The following SLCO4C1 variants were observed in gnomAD, a reference collection of about 807,000 sequenced individuals.
SLCO4C1 encodes the protein organic anion transporter M1.
Under a neutral mutation model 72.1 loss-of-function variants are expected in SLCO4C1, and 58 were observed. The ratio of observed to expected loss-of-function variants is 0.80; its 90% CI spans 0.65 to 1.00. The LOEUF (loss-of-function observed/expected upper bound fraction) is 1.00, where lower values mean the gene tolerates loss of function less well. Among genes scored for constraint, SLCO4C1 ranks in the 50% least tolerant of loss-of-function variants. The pLI, the probability that SLCO4C1 is intolerant of heterozygous loss-of-function variation, is 0.00. For missense variants in SLCO4C1, 898 were observed against 857.9 expected, an observed-to-expected ratio of 1.05 and a Z score of -0.58; for synonymous variants, 297 against 312.5, an observed-to-expected ratio of 0.95 and a Z score of 0.52.
At chr5:102,272,641 C>CA (rs949347985) in intron 2 of SLCO4C1, among the ~76,000 whole-genome samples, 12 of 151,980 alleles carry the variant, frequency 7.9e-5, no homozygotes, top group Non-Finnish European at 1.6e-4. Flanking sequence ...GAGCTCAAAA[C>CA]GGGGATTTAA....
Position 102,234,984 on chromosome 5 carries a change from C to T in SLCO4C1, c.*1874G>A, listed in dbSNP as rs1252460725. ...GATTTTTGGCTACCTATTTGGCTTC[C>T]GTCTTTGGTGTTTATATCTGTCTGG... is the stretch of plus-strand genomic sequence containing the variant. On this transcript the variant is annotated 3_prime_UTR_variant, in exon 13 of 13. Coordinates refer to ENST00000310954, the MANE Select transcript of SLCO4C1 (RefSeq NM_180991.5). The T allele has an allele frequency of 6.6e-6, 1 of 152,158 alleles. No individual in the cohort carries two copies. Among genetic ancestry groups the T allele is most frequent in the East Asian group, 1.9e-4 (1 of 5,174 alleles). The allele number at this position is 152,158 out of a possible 1,614,324, so 9.4% of individuals were successfully genotyped here. A position where few individuals can be genotyped will look rare whatever the true frequency, so the allele number is the denominator to read the frequency against.
At chr5:102,277,088 C>T (rs182947881) in intron 2 of SLCO4C1, among the ~76,000 whole-genome samples, 1 of 152,118 alleles carries the variant, frequency 6.6e-6, no homozygotes, top group Admixed American at 6.6e-5. Context: ...ATGCCAAAGG[C>T]TGCATACAAA....
intron 9 of SLCO4C1, among the ~76,000 whole-genome samples, chr5:102,248,655 T>C (rs373976624): frequency 6.6e-6 from 1 of 152,088 alleles, no homozygotes; most frequent in Non-Finnish European, 1.5e-5. Flanking sequence ...TGGTCATATA[T>C]ACAGAAAAAA....
At chr5:102,250,416 T>C (rs1242101992) in intron 8 of SLCO4C1, among the ~76,000 whole-genome samples, 1 of 152,158 alleles carries the variant, frequency 6.6e-6, no homozygotes, top group East Asian at 1.9e-4. Flanking sequence ...ATGCATCCCT[T>C]ATACCTCATT....
intron 8 of SLCO4C1, among the ~76,000 whole-genome samples, chr5:102,255,796 C>T (rs1353619699): frequency 6.6e-6 from 1 of 151,586 alleles, no homozygotes; most frequent in African/African-American, 2.4e-5. Context: ...TTTTTTTAAT[C>T]TCCCATTACC....
intron 8 of SLCO4C1, among the ~76,000 whole-genome samples, chr5:102,254,460 T>C (rs1346491752): frequency 2.0e-5 from 3 of 152,200 alleles, no homozygotes; most frequent in Non-Finnish European, 4.4e-5. Flanking sequence ...ACTATAATAA[T>C]TGTTTCAGGA....
At chr5:102,240,605 G>A (rs1748520371) in intron 11 of SLCO4C1, 113 bp downstream of exon 11, 2 of 764,544 alleles carry the variant, frequency 2.6e-6, no homozygotes, top group Non-Finnish European at 4.4e-6. Flanking sequence ...CAACAAGAAT[G>A]ATGTAGCCTT....
chr5:102,266,605 G>A (rs562892092), intron 3 of SLCO4C1, among the ~76,000 whole-genome samples: 4 of 151,956 alleles, frequency 2.6e-5, no homozygotes, highest in South Asian at 2.1e-4. Flanking sequence ...AGCAGAGATC[G>A]CACCACTGCA....
intron 8 of SLCO4C1, 57 bp downstream of exon 8, chr5:102,257,058 G>A: frequency 7.8e-7 from 1 of 1,279,294 alleles, no homozygotes; most frequent in Non-Finnish European, 1.0e-6. Context: ...CATATGCTTG[G>A]AAATGCTTAG....
intron 2 of SLCO4C1, among the ~76,000 whole-genome samples, chr5:102,273,495 C>T (rs975442121): frequency 1.3e-5 from 2 of 152,076 alleles, no homozygotes; most frequent in Non-Finnish European, 2.9e-5. Context: ...CATAAGCTTA[C>T]ATTCAGACTT....
chr5:102,285,227 AC>A (rs1749428603), intron 2 of SLCO4C1, among the ~76,000 whole-genome samples: 5 of 151,690 alleles, frequency 3.3e-5, no homozygotes, highest in African/African-American at 1.2e-4. Context: ...ACACACACAC[AC>A]ACACACACAC....
intron 10 of SLCO4C1, among the ~76,000 whole-genome samples, chr5:102,244,007 T>C (rs1235471405): frequency 6.6e-6 from 1 of 152,022 alleles, no homozygotes; most frequent in Non-Finnish European, 1.5e-5. Context: ...GCCAACATAG[T>C]GAAACCCTGT....
At chr5:102,294,448 C>A (rs1387884088) in intron 1 of SLCO4C1, among the ~76,000 whole-genome samples, 3 of 152,048 alleles carry the variant, frequency 2.0e-5, no homozygotes, top group Non-Finnish European at 2.9e-5. Flanking sequence ...GTGACAATTA[C>A]ATTTGATAAC....
At chr5:102,278,816 T>C (rs1204483186) in intron 2 of SLCO4C1, among the ~76,000 whole-genome samples, 2 of 151,706 alleles carry the variant, frequency 1.3e-5, no homozygotes, top group Non-Finnish European at 2.9e-5. Flanking sequence ...AAACACAATA[T>C]ATAACAATAG....
chr5:102,289,951 T>C (rs1201876944), intron 2 of SLCO4C1, among the ~76,000 whole-genome samples: 3 of 152,256 alleles, frequency 2.0e-5, no homozygotes, highest in African/African-American at 7.2e-5. Flanking sequence ...GTTATCATTC[T>C]AGAATTGGAA....
rs1026294359 is a variant in SLCO4C1 at position 102,291,398 on chromosome 5, T to C, written c.564A>G (p.Val188=). The change falls in exon 2 of 13, where the codon GTA becomes GTG. Residue 188 remains valine, a synonymous_variant. Transcript: ENST00000310954. ...CACTGAAAAATTGTGGCAATGAGAATACAAGTGCTCCCAGTCCAATCATAA... is the reference window on the plus strand; with the variant it reads ...CACTGAAAAATTGTGGCAATGAGAACACAAGTGCTCCCAGTCCAATCATAA... The part of the protein sequence containing the change: ...AAFMIGLGAL[V]FSLPQFFSGE... The C allele has an allele frequency of 1.2e-6, 2 of 1,614,008 alleles. No homozygotes were observed. The highest frequency in any genetic ancestry group is 2.7e-5 in the African/African-American group (2 of 74,918).
intron 1 of SLCO4C1, among the ~76,000 whole-genome samples, chr5:102,295,610 T>C (rs1379725542): frequency 6.6e-6 from 1 of 152,284 alleles, no homozygotes; most frequent in African/African-American, 2.4e-5. Context: ...AGGAAGGTTC[T>C]TGTAATCTTC....
chr5:102,261,977 A>T lies in SLCO4C1; in HGVS notation c.956T>A (p.Leu319His). Residue 319 changes from leucine to histidine, a missense_variant, in exon 5 of 13, where the codon CTT (leucine) becomes CAT (histidine). Transcript: ENST00000310954. ...RWLGAWWIGF[L>H]LSWIFAWSLI... ...AGACCAAGCAAAGATCCATGATAGA[A>T]GAAACCCAATCCACCAAGCTCCCAA... 1 of 1,613,288 alleles carries T rather than the reference A, an allele frequency of 6.2e-7. No individual in the cohort carries two copies. Among genetic ancestry groups the T allele is most frequent in the Non-Finnish European group, 8.5e-7 (1 of 1,179,504 alleles).
Position 102,260,285 on chromosome 5 carries a change from C to T in SLCO4C1, c.1056G>A (p.Gln352=). The T allele has an allele frequency of 7.3e-7, 1 of 1,369,882 alleles. No homozygotes were observed. Among genetic ancestry groups the T allele is most frequent in the Non-Finnish European group, 9.5e-7 (1 of 1,055,714 alleles). 84.9% of individuals were successfully genotyped at this position (1,369,882 alleles called of 1,614,324 possible). ...CTGCATTACTATTACTCTGATGAGC[C>T]TGGGAAGTTTTTCCAGCTTGAATTT... The part of the protein sequence containing the change: ...TAEIQAGKTS[Q]AHQSNSNADV... Residue 352 remains glutamine (Q), a synonymous_variant, in exon 6 of 13, where the codon CAG becomes CAA. Transcript: ENST00000310954.
Sources: gnomAD v4.1 joint callset for allele counts (sites outside exome capture counted in the v4.1 genomes callset) on GRCh38, gnomAD v4.1.1 for gene constraint, MANE v1.5 for transcripts, NCBI Gene and HGNC (gene_info 2026-07-23, HGNC 2026-07-21) for gene names.